Variants in PDE4D observed in about 807,000 individuals in gnomAD.
The protein encoded by PDE4D is phosphodiesterase 4D.
In PDE4D, 24 loss-of-function variants were observed where a neutral mutation model predicts 87.4. The ratio of observed to expected loss-of-function variants is 0.27; its 90% CI spans 0.20 to 0.39. The LOEUF (loss-of-function observed/expected upper bound fraction) is 0.39. Ranked by LOEUF, PDE4D falls within the 10% of genes least tolerant of loss-of-function variation. The pLI, the probability that PDE4D is intolerant of heterozygous loss-of-function variation, is 1.00. For missense variants in PDE4D, 714 were observed against 1,041.0 expected (o/e 0.69, Z 4.32); for synonymous variants, 384 against 383.2 (o/e 1.00, Z -0.02).
At chr5:60,441,640 G>A (rs78237887) in intron 1 of PDE4D, among the ~76,000 whole-genome samples, 10,862 of 152,208 alleles carry the variant, frequency 0.071, 597 homozygotes, top group East Asian at 0.14. Flanking sequence ...TATCATCAGA[G>A]TGAACAGGCA....
chr5:59,210,452 G>T lies in PDE4D; in HGVS notation c.647+5325C>A, dbSNP rs189313954. Reference sequence around the variant, plus strand: ...ATTAGAGGCCCAAGAAGTGGTGAGGGACTTGTTAATTGCTAAAGAAAGGAC... The same window carrying T: ...ATTAGAGGCCCAAGAAGTGGTGAGGTACTTGTTAATTGCTAAAGAAAGGAC... On this transcript the variant is annotated intron_variant, in intron 2 of 14. Transcript: ENST00000340635. 5.0e-4 allele frequency among the ~76,000 whole-genome samples: 76 copies of T among 152,296 alleles called. No individual in the cohort carries two copies. The South Asian group carries it at 5.4e-3, about 11-fold the overall frequency.
At chr5:59,229,875 T>C (rs1754752674) in intron 1 of PDE4D, among the ~76,000 whole-genome samples, 1 of 152,222 alleles carries the variant, frequency 6.6e-6, no homozygotes, top group Admixed American at 6.5e-5. Context: ...CTCGGCTCAC[T>C]GCAACCTCCG....
At chr5:59,773,193 T>A (rs191050392) in intron 1 of PDE4D, among the ~76,000 whole-genome samples, 299 of 152,258 alleles carry the variant, frequency 2.0e-3, no homozygotes, top group African/African-American at 6.9e-3. Flanking sequence ...CAATCATACT[T>A]AGGGTGTTGC....
intron 1 of PDE4D, among the ~76,000 whole-genome samples, chr5:59,417,246 G>C (rs1398095156): frequency 6.6e-6 from 1 of 151,972 alleles, no homozygotes; most frequent in Non-Finnish European, 1.5e-5. Context: ...TATATCTATT[G>C]ATTATAGCAA....
At chr5:59,672,583 A>C (rs1237333565) in intron 1 of PDE4D, among the ~76,000 whole-genome samples, 1 of 152,214 alleles carries the variant, frequency 6.6e-6, no homozygotes, top group African/African-American at 2.4e-5. Flanking sequence ...CATGGTCATT[A>C]GTAATTATTT....
chr5:59,482,474 A>T (rs766650658), intron 1 of PDE4D, among the ~76,000 whole-genome samples: 3 of 152,140 alleles, frequency 2.0e-5, no homozygotes, highest in African/African-American at 7.2e-5. Context: ...GCTATTTCAG[A>T]TATTCAGGCA....
intron 1 of PDE4D, among the ~76,000 whole-genome samples, chr5:60,461,292 C>G (rs996283318): frequency 6.6e-6 from 1 of 152,154 alleles, no homozygotes; most frequent in Non-Finnish European, 1.5e-5. Flanking sequence ...GCAGGGCTAC[C>G]ATTTTGCACA....
chr5:59,895,015 A>G (rs1465069057), upstream of PDE4D, among the ~76,000 whole-genome samples: 1 of 152,214 alleles, frequency 6.6e-6, no homozygotes, highest in East Asian at 1.9e-4. Context: ...TATTTGAACG[A>G]TAATATATTT....
At chr5:59,880,571 A>G (rs943257263) in intron 1 of PDE4D, among the ~76,000 whole-genome samples, 1 of 152,234 alleles carries the variant, frequency 6.6e-6, no homozygotes, top group African/African-American at 2.4e-5. Context: ...TCAGTGGCCC[A>G]TCTTGTTATC....
At chr5:59,567,217 C>T (rs1292157173) in intron 1 of PDE4D, among the ~76,000 whole-genome samples, 1 of 152,168 alleles carries the variant, frequency 6.6e-6, no homozygotes, top group Non-Finnish European at 1.5e-5. Context: ...ATATCTGAAG[C>T]CAAATCGCTG....
chr5:59,885,666 C>T (rs896158390), intron 1 of PDE4D, among the ~76,000 whole-genome samples: 3 of 152,090 alleles, frequency 2.0e-5, no homozygotes, highest in African/African-American at 4.8e-5. Flanking sequence ...TCTGTAGAGG[C>T]ACTTCTCTAA....
At chr5:59,333,131 C>T (rs1777035545) in intron 1 of PDE4D, among the ~76,000 whole-genome samples, 1 of 152,156 alleles carries the variant, frequency 6.6e-6, no homozygotes, top group Admixed American at 6.6e-5. Flanking sequence ...TCTTTTGTAG[C>T]CATAGAACAT....
intron 1 of PDE4D, among the ~76,000 whole-genome samples, chr5:59,523,736 T>C (rs1232440157): frequency 6.6e-6 from 1 of 152,238 alleles, no homozygotes; most frequent in Non-Finnish European, 1.5e-5. Context: ...ACTTGAATTG[T>C]AATGCAAATT....
chr5:59,275,602 T>G, intron 1 of PDE4D: 1 of 1,359,784 alleles, frequency 7.4e-7, no homozygotes, highest in Non-Finnish European at 9.5e-7. Context: ...GCTTTCTTCC[T>G]TCATACTGAA....
At chr5:60,078,690 T>C (rs1303884415) in intron 2 of PDE4D, among the ~76,000 whole-genome samples, 1 of 152,220 alleles carries the variant, frequency 6.6e-6, no homozygotes, top group Non-Finnish European at 1.5e-5. Flanking sequence ...TCCAGCTTCA[T>C]CCATGTTCCT....
intron 1 of PDE4D, among the ~76,000 whole-genome samples, chr5:59,556,972 T>C (rs1303094345): frequency 2.0e-5 from 3 of 152,194 alleles, no homozygotes; most frequent in Non-Finnish European, 4.4e-5. Context: ...TTTTAAATTA[T>C]TCAAGTTTGT....
intron 1 of PDE4D, among the ~76,000 whole-genome samples, chr5:59,875,869 A>G (rs1323908568): frequency 6.6e-6 from 1 of 152,228 alleles, no homozygotes; most frequent in Non-Finnish European, 1.5e-5. Context: ...ACAGAAAAAC[A>G]GATACCACAT....
intron 1 of PDE4D, among the ~76,000 whole-genome samples, chr5:59,426,312 T>C (rs1795196439): frequency 6.6e-6 from 1 of 152,236 alleles, no homozygotes; most frequent in African/African-American, 2.4e-5. Context: ...AATAGCTTGA[T>C]GATTGGTCAT....
At chr5:59,124,947 T>C (rs1241280171) in intron 5 of PDE4D, among the ~76,000 whole-genome samples, 1 of 152,194 alleles carries the variant, frequency 6.6e-6, no homozygotes, top group Non-Finnish European at 1.5e-5. Context: ...ACATTTAAGA[T>C]CTCTTGCTTT....
Sources: gnomAD v4.1 joint callset for allele counts (sites outside exome capture counted in the v4.1 genomes callset) on GRCh38, gnomAD v4.1.1 for gene constraint, MANE v1.5 for transcripts, NCBI Gene and HGNC (gene_info 2026-07-23, HGNC 2026-07-21) for gene names.